Variants in STAT1 observed in about 807,000 individuals in gnomAD.
STAT1 encodes signal transducer and activator of transcription 1, also known as signal transducer and activator of transcription 1-alpha/beta.
Under a neutral mutation model 111.7 loss-of-function variants are expected in STAT1, and 24 were observed. The ratio of observed to expected loss-of-function variants is 0.21; its 90% CI spans 0.16 to 0.30. The LOEUF is 0.30. Among genes scored for constraint, STAT1 ranks in the 10% least tolerant of loss-of-function variants. The pLI is 1.00. For synonymous variants in STAT1, 332 were observed against 326.5 expected (o/e 1.02, Z -0.18); for missense variants, 351 against 911.9 (o/e 0.38, Z 7.92).
intron 24 of STAT1, among the ~76,000 whole-genome samples, chr2:190,972,229 G>A (rs1363554286): frequency 6.6e-6 from 1 of 152,116 alleles, no homozygotes; most frequent in Non-Finnish European, 1.5e-5. Context: ...TAAATTAGAT[G>A]GCATACGTAA....
Position 191,000,384 on chromosome 2 carries a change from T to C in STAT1, c.463-680A>G, listed in dbSNP as rs1485847582. On this transcript the variant is annotated intron_variant, in intron 6 of 24. Coordinates refer to ENST00000361099, the MANE Select transcript of STAT1 (RefSeq NM_007315.4). The surrounding 1 kb of genome is among the most constrained non-coding windows in gnomAD (Gnocchi z 4.8). ...CCAAAGAATGTGGAGTTTGGAAAGA[T>C]GCTGTCTGAAGCATGTAAGTCAAGG... 6.6e-6 allele frequency among the ~76,000 whole-genome samples: 1 copy of C among 152,194 alleles called. No homozygotes were observed.
chr2:191,008,123 T>A (rs1694842986), intron 4 of STAT1: 1 of 399,196 alleles, frequency 2.5e-6, no homozygotes, highest in African/African-American at 2.1e-5. Context: ...ACACTACCAA[T>A]AGCAATAATG....
At position 190,998,672 on chromosome 2, in the gene STAT1, CA is replaced by C. The variant is rs1014931509; in HGVS notation, c.542-365del. Among the ~76,000 whole-genome samples the C allele has an allele frequency of 7.1e-6, 1 of 140,762 alleles. No homozygotes were observed. Among genetic ancestry groups the C allele is most frequent in the Non-Finnish European group, 1.6e-5 (1 of 64,358 alleles). 92.3% of individuals were successfully genotyped at this position (140,762 alleles called of 152,430 possible). On this transcript the variant is annotated intron_variant, in intron 7 of 24. Coordinates refer to ENST00000361099, the MANE Select transcript of STAT1 (RefSeq NM_007315.4). The surrounding 1 kb of genome is among the most constrained non-coding windows in gnomAD (Gnocchi z 4.1). The stretch of plus-strand genomic sequence containing the variant: ...GCGAGACTCCGTCTCCAAAAAAAAA[CA>C]AAAAAAACAAAAAAAAAACAAAAAA...
chr2:191,012,249 C>T lies in STAT1; in HGVS notation c.-2+1276G>A, dbSNP rs1695190464. The stretch of plus-strand genomic sequence containing the variant: ...GCAACATGGTGAAACCTTGTCTCTA[C>T]TAAAATACAAAAAAAAATTAGCAGG... On this transcript the variant is annotated intron_variant, in intron 2 of 24. Transcript: ENST00000361099. The surrounding 1 kb of genome is among the most constrained non-coding windows in gnomAD (Gnocchi z 4.0). 6.6e-6 allele frequency among the ~76,000 whole-genome samples: 1 copy of T among 151,620 alleles called. No homozygotes were observed. The highest frequency in any genetic ancestry group is 6.6e-5 in the Admixed American group (1 of 15,240).
chr2:191,002,246 T>C (rs879379635), intron 5 of STAT1, among the ~76,000 whole-genome samples: 3 of 152,228 alleles, frequency 2.0e-5, no homozygotes, highest in Non-Finnish European at 4.4e-5. Flanking sequence ...TAGCTTTCCA[T>C]TTGTCTTAAC....
At chr2:190,972,908 C>T (rs16824035) in intron 24 of STAT1, among the ~76,000 whole-genome samples, 26,509 of 150,810 alleles carry the variant, frequency 0.18, 2,518 homozygotes, top group African/African-American at 0.24. Context: ...TGAAATGGAA[C>T]GGAATGGCTA....
chr2:190,980,594 G>T lies in STAT1; in HGVS notation c.1632+26C>A. The T allele has an allele frequency of 6.2e-7, 1 of 1,612,882 alleles. No homozygotes were observed. The highest frequency in any genetic ancestry group is 2.2e-5 in the East Asian group (1 of 44,870). ...CAACCAAGAGCAAAAAGGACTTAGA[G>T]AGCATAAAACCCAGACAGTCCTCAC... On this transcript the variant is annotated intron_variant, in intron 19 of 24. Coordinates refer to ENST00000361099, the MANE Select transcript of STAT1 (RefSeq NM_007315.4). The surrounding 1 kb of genome is among the most constrained non-coding windows in gnomAD (Gnocchi z 6.1).
intron 2 of STAT1, among the ~76,000 whole-genome samples, chr2:191,010,946 A>G (rs1457585692): frequency 6.6e-6 from 1 of 152,234 alleles, no homozygotes; most frequent in East Asian, 1.9e-4. Flanking sequence ...ACCATCATGT[A>G]ACTTAGGATT....
chr2:190,982,283 T>C lies in STAT1; in HGVS notation c.1582+100A>G. On this transcript the variant is annotated intron_variant, in intron 18 of 24. Coordinates refer to ENST00000361099, the MANE Select transcript of STAT1 (RefSeq NM_007315.4). This position sits in a 1 kb window ranked among gnomAD's most constrained non-coding sequence, Gnocchi z 7.3. ...TGAAAAGCTGACAGATTTTAGTACT[T>C]TTTTACCTTTAACAAAATAGCAGAG... is the stretch of plus-strand genomic sequence containing the variant. 1.4e-6 allele frequency: 2 copies of C among 1,447,620 alleles called. No individual in the cohort carries two copies. The highest frequency in any genetic ancestry group is 3.4e-5 in the Admixed American group (2 of 58,046). The allele number at this position is 1,447,620 out of a possible 1,614,324, so 89.7% of individuals were successfully genotyped here.
In STAT1 at chr2:190,980,573, C is replaced by A. The variant is rs1425357678; in HGVS notation, c.1632+47G>T. On this transcript the variant is annotated intron_variant, in intron 19 of 24. Transcript: ENST00000361099. The surrounding 1 kb of genome is among the most constrained non-coding windows in gnomAD (Gnocchi z 6.1). The stretch of plus-strand genomic sequence containing the variant: ...CAGCAAGAAACATGAGAACCTCAAC[C>A]AAGAGCAAAAAGGACTTAGAGAGCA... 9 of 1,600,208 alleles carry A rather than the reference C, an allele frequency of 5.6e-6. No homozygotes were observed. The highest frequency in any genetic ancestry group is 7.7e-6 in the Non-Finnish European group (9 of 1,167,422).
In STAT1 at chr2:191,008,972, A is replaced by C. The variant is rs776128669; in HGVS notation, c.264T>G (p.Arg88=). 1.2e-6 allele frequency: 2 copies of C among 1,613,890 alleles called. No individual in the cohort carries two copies. The highest frequency in any genetic ancestry group is 1.7e-6 in the Non-Finnish European group (2 of 1,179,856). Residue 88 remains arginine (R), a synonymous_variant, in exon 4 of 25, where the codon CGT becomes CGG. Transcript: ENST00000361099. ...AAAAACCAGGTCATACCTGAAGATT[A>C]CGCTTGCTTTTCCTTATGTTATGCT... ...LLQHNIRKSK[R]NLQDNFQEDP...
chr2:190,983,509 GCCTTAGAAATA>G lies in STAT1; in HGVS notation c.1446+122_1446+132del. 1.2e-6 allele frequency: 1 copy of G among 827,118 alleles called. No individual in the cohort carries two copies. The highest frequency in any genetic ancestry group is 3.2e-4 in the Middle Eastern group (1 of 3,096). 51.2% of individuals were successfully genotyped at this position (827,118 alleles called of 1,614,324 possible). A position where few individuals can be genotyped will look rare whatever the true frequency, so the allele number is the denominator to read the frequency against. On this transcript the variant is annotated intron_variant, in intron 17 of 24. Transcript: ENST00000361099. This position sits in a 1 kb window ranked among gnomAD's most constrained non-coding sequence, Gnocchi z 5.7. ...TTCATATTCCCAGATTTACTCAAAA[GCCTTAGAAATA>G]CCACAGGAGCTTTGTCACTTCTCCC...
At chr2:190,992,851 G>A (rs955544757) in intron 10 of STAT1, 6 of 307,876 alleles carry the variant, frequency 1.9e-5, no homozygotes, top group Non-Finnish European at 3.5e-5. Flanking sequence ...GAGCAATGGC[G>A]CAATCTCGGC....
At position 191,012,582 on chromosome 2, in the gene STAT1, T is replaced by C. The variant is rs144747708; in HGVS notation, c.-2+943A>G. On this transcript the variant is annotated intron_variant, in intron 2 of 24. Coordinates refer to ENST00000361099, the MANE Select transcript of STAT1 (RefSeq NM_007315.4). This position sits in a 1 kb window ranked among gnomAD's most constrained non-coding sequence, Gnocchi z 4.0. Reference sequence around the variant, plus strand: ...ATTCCTTCCACTCCATCCCAAGACCTGCTCCTTCCTGTCTCCAACATTCTA... The same window carrying C: ...ATTCCTTCCACTCCATCCCAAGACCCGCTCCTTCCTGTCTCCAACATTCTA... 6.6e-6 allele frequency among the ~76,000 whole-genome samples: 1 copy of C among 152,272 alleles called. No individual in the cohort carries two copies. The highest frequency in any genetic ancestry group is 2.4e-5 in the African/African-American group (1 of 41,556).
In STAT1 at chr2:190,971,888, T is replaced by C. The variant is rs556469966; in HGVS notation, c.2239-1171A>G. On this transcript the variant is annotated intron_variant, in intron 24 of 24. Transcript: ENST00000361099. This position sits in a 1 kb window ranked among gnomAD's most constrained non-coding sequence, Gnocchi z 4.1. Reference sequence around the variant, plus strand: ...CCACCATGGCTGGCTAATTTTTGTATTTTTAGTAGAGATGGGGTTTCACCG... The same window carrying C: ...CCACCATGGCTGGCTAATTTTTGTACTTTTAGTAGAGATGGGGTTTCACCG... Among the ~76,000 whole-genome samples, 1 of 152,182 alleles carries C rather than the reference T, an allele frequency of 6.6e-6. No individual in the cohort carries two copies. The highest frequency in any genetic ancestry group is 2.4e-5 in the African/African-American group (1 of 41,524).
rs780754780 is a variant in STAT1, at chr2:190,993,254, C to T, written c.944+1807G>A. On this transcript the variant is annotated intron_variant, in intron 10 of 24. Coordinates refer to ENST00000361099, the MANE Select transcript of STAT1 (RefSeq NM_007315.4). This position sits in a 1 kb window ranked among gnomAD's most constrained non-coding sequence, Gnocchi z 4.1. ...GGGATAATGATCTATTTTCTGCAGT[C>T]ACTGTTTAATATTATTGAAGGACTC... 3.5e-4 allele frequency: 210 copies of T among 600,398 alleles called. No homozygotes were observed. Among genetic ancestry groups the T allele is most frequent in the Non-Finnish European group, 6.1e-4 (194 of 319,986 alleles). The allele number at this position is 600,398 out of a possible 1,614,324, so 37.2% of individuals were successfully genotyped here. A position where few individuals can be genotyped will look rare whatever the true frequency, so the allele number is the denominator to read the frequency against.
At chr2:191,005,785 T>C (rs1490306934) in intron 5 of STAT1, among the ~76,000 whole-genome samples, 1 of 152,220 alleles carries the variant, frequency 6.6e-6, no homozygotes, top group Non-Finnish European at 1.5e-5. Flanking sequence ...AGCCAATAGT[T>C]GGCTGGATAA....
intron 10 of STAT1, chr2:190,992,625 G>A (rs73979322): frequency 0.024 from 26,660 of 1,104,374 alleles, 609 homozygotes; most frequent in Admixed American, 0.14. Flanking sequence ...GTGAGAAAAG[G>A]ATGGAGGCAA....
In STAT1 at chr2:190,993,569, T is replaced by G. The variant is rs929224749; in HGVS notation, c.944+1492A>C. On this transcript the variant is annotated intron_variant, in intron 10 of 24. Transcript: ENST00000361099. This position sits in a 1 kb window ranked among gnomAD's most constrained non-coding sequence, Gnocchi z 4.1. Reference sequence around the variant, plus strand: ...CAATTTGGGATTCATGCTGGACATGTCACTGTAGCTGCCACCGCTGCCACG... The same window carrying G: ...CAATTTGGGATTCATGCTGGACATGGCACTGTAGCTGCCACCGCTGCCACG... 2 of 622,112 alleles carry G rather than the reference T, an allele frequency of 3.2e-6. No individual in the cohort carries two copies. Among genetic ancestry groups the G allele is most frequent in the African/African-American group, 1.8e-5 (1 of 54,538 alleles). The allele number at this position is 622,112 out of a possible 1,614,324, so 38.5% of individuals were successfully genotyped here.
Sources: allele counts gnomAD v4.1 joint callset (sites outside exome capture counted in the v4.1 genomes callset), GRCh38; gene constraint gnomAD v4.1.1; non-coding constraint Gnocchi (gnomAD v3.1); transcripts MANE v1.5; gene names NCBI Gene and HGNC (gene_info 2026-07-23, HGNC 2026-07-21).